BCAP29: variants seen among roughly 807,000 people sequenced by gnomAD.
BCAP29 encodes the protein B cell receptor associated protein 29.
In BCAP29, 34 loss-of-function variants were observed where a neutral mutation model predicts 31.8. The observed-to-expected ratio is 1.07, with a 90% CI of 0.81 to 1.42. The LOEUF (loss-of-function observed/expected upper bound fraction) is 1.42. Ranked by LOEUF, BCAP29 falls within the 40% of genes most tolerant of loss-of-function variation. BCAP29 has a pLI of 0.00. For synonymous variants in BCAP29, 104 were observed against 91.3 expected (o/e 1.14, Z -0.79); for missense variants, 314 against 269.2 (o/e 1.17, Z -1.16).
At chr7:107,616,864 G>A (rs1814254990) in intron 7 of BCAP29, among the ~76,000 whole-genome samples, 1 of 152,120 alleles carries the variant, frequency 6.6e-6, no homozygotes, top group South Asian at 2.1e-4. Context: ...TCAGCCTTCT[G>A]AGTGACTGGG....
In BCAP29 at chr7:107,593,995, C is replaced by G; in HGVS notation, c.234C>G (p.Thr78=). 1 of 1,613,772 alleles carries G rather than the reference C, an allele frequency of 6.2e-7. No individual in the cohort carries two copies. Among genetic ancestry groups the G allele is most frequent in the Non-Finnish European group, 8.5e-7 (1 of 1,179,810 alleles). ...REVRKYSSVH[T]IEKSSTSRPD... ...TAAGGAAATATTCCTCAGTTCATAC[C>G]ATTGAGAAGAGCTCCACCAGCAGAC... The change falls in exon 4 of 8, where the codon ACC becomes ACG. Residue 78 remains threonine (T), a synonymous_variant. Transcript: ENST00000005259.
At chr7:107,585,431 A>C (rs1442252677) in intron 3 of BCAP29, among the ~76,000 whole-genome samples, 1 of 152,226 alleles carries the variant, frequency 6.6e-6, no homozygotes, top group African/African-American at 2.4e-5. Flanking sequence ...CTAGCCATAT[A>C]ACTAGTTATG....
intron 7 of BCAP29, among the ~76,000 whole-genome samples, chr7:107,617,673 C>CT (rs1562801382): frequency 6.6e-6 from 1 of 152,088 alleles, no homozygotes; most frequent in Admixed American, 6.6e-5. Context: ...CTACTCTTGT[C>CT]TTTTTATTTG....
intron 2 of BCAP29, among the ~76,000 whole-genome samples, chr7:107,581,906 T>C (rs986450709): frequency 6.6e-6 from 1 of 152,170 alleles, no homozygotes; most frequent in African/African-American, 2.4e-5. Flanking sequence ...ATTCCACCCA[T>C]GTTCTATATA....
intron 3 of BCAP29, chr7:107,587,885 A>G (rs1210562127): frequency 6.6e-6 from 1 of 152,168 alleles, no homozygotes; most frequent in African/African-American, 2.4e-5. Flanking sequence ...GAAAACAGAT[A>G]TTACTACTGC....
At chr7:107,585,711 C>T (rs34523267) in intron 3 of BCAP29, among the ~76,000 whole-genome samples, 26,033 of 152,018 alleles carry the variant, frequency 0.17, 2,805 homozygotes, top group Non-Finnish European at 0.24. Flanking sequence ...CAAACTTGGC[C>T]GGGCGCGGCG....
At chr7:107,597,342 C>G (rs1158115580) in intron 5 of BCAP29, among the ~76,000 whole-genome samples, 2 of 152,036 alleles carry the variant, frequency 1.3e-5, no homozygotes, top group African/African-American at 4.8e-5. Flanking sequence ...TCCAGAAGTG[C>G]TGGGATTATA....
chr7:107,621,979 A>G, downstream of BCAP29: 1 of 495,454 alleles, frequency 2.0e-6, no homozygotes, highest in South Asian at 1.6e-5. Context: ...GAAAACAGTT[A>G]CTCTTTAACA....
chr7:107,593,214 A>G (rs1357398912), intron 3 of BCAP29, among the ~76,000 whole-genome samples: 1 of 152,208 alleles, frequency 6.6e-6, no homozygotes, highest in Non-Finnish European at 1.5e-5. Context: ...ATATACTTCC[A>G]CTGGCTTTTG....
At chr7:107,589,592 A>G (rs565964087) in intron 3 of BCAP29, among the ~76,000 whole-genome samples, 1 of 152,362 alleles carries the variant, frequency 6.6e-6, no homozygotes, top group Admixed American at 6.5e-5. Context: ...CTGGCCTGCC[A>G]ATCACCTCCT....
intron 3 of BCAP29, among the ~76,000 whole-genome samples, chr7:107,586,528 T>C (rs185787417): frequency 5.9e-5 from 9 of 152,298 alleles, no homozygotes; most frequent in African/African-American, 2.2e-4. Flanking sequence ...ACACCTACTT[T>C]CGTGTTTTAA....
chr7:107,594,118 T>G lies in BCAP29; in HGVS notation c.344+13T>G. On this transcript the variant is annotated intron_variant, in intron 4 of 7. Transcript: ENST00000005259. ...TATTTTTTTGGCTGTAAGTAAAAAA[T>G]AATAATAGAAGCACAATTTAAAAAC... 1 of 1,578,452 alleles carries G rather than the reference T, an allele frequency of 6.3e-7. No homozygotes were observed. Among genetic ancestry groups the G allele is most frequent in the South Asian group, 1.1e-5 (1 of 90,008 alleles).
At chr7:107,601,015 C>G (rs1055713197) in intron 6 of BCAP29, among the ~76,000 whole-genome samples, 8 of 152,232 alleles carry the variant, frequency 5.3e-5, no homozygotes, top group African/African-American at 1.9e-4. Context: ...GTGCCTCCTT[C>G]CCACATAACA....
chr7:107,600,446 A>G lies in BCAP29; in HGVS notation c.530A>G (p.Asn177Ser), dbSNP rs778160204. ...GAAGAATGTGTTTTGGAAGCAGAAA[A>G]TAAAAAACTAGTAGAAGACCAGGAG... Reference protein sequence around the residue: ...KDEECVLEAENKKLVEDQEKL... With the variant: ...KDEECVLEAESKKLVEDQEKL... Residue 177 changes from asparagine (N) to serine (S), a missense_variant, in exon 6 of 8, where the codon AAT becomes AGT. Physicochemically the swap from Asn to Ser is conservative, Grantham distance 46 (BLOSUM62 1). Transcript: ENST00000005259. The G allele has an allele frequency of 6.2e-7, 1 of 1,611,670 alleles. No homozygotes were observed. The highest frequency in any genetic ancestry group is 1.1e-5 in the South Asian group (1 of 90,934).
At chr7:107,616,556 C>G (rs1169287921) in intron 7 of BCAP29, among the ~76,000 whole-genome samples, 5 of 152,066 alleles carry the variant, frequency 3.3e-5, no homozygotes, top group African/African-American at 7.2e-5. Flanking sequence ...GTTGTAATAC[C>G]TTATGAAAAT....
At chr7:107,589,280 C>A (rs917200397) in intron 3 of BCAP29, among the ~76,000 whole-genome samples, 2 of 152,160 alleles carry the variant, frequency 1.3e-5, no homozygotes, top group African/African-American at 4.8e-5. Flanking sequence ...CACTTCATTT[C>A]TATTATTATT....
At chr7:107,588,371 T>C (rs1441598398) in intron 3 of BCAP29, among the ~76,000 whole-genome samples, 5 of 152,222 alleles carry the variant, frequency 3.3e-5, no homozygotes, top group Non-Finnish European at 5.9e-5. Context: ...CATGACTGAA[T>C]TGTTCACTTT....
chr7:107,585,828 C>T (rs1282226304), intron 3 of BCAP29, among the ~76,000 whole-genome samples: 1 of 151,882 alleles, frequency 6.6e-6, no homozygotes, highest in Non-Finnish European at 1.5e-5. Flanking sequence ...CTGTCTCTAC[C>T]AAAAATACAA....
chr7:107,601,593 T>A (rs1811193787), intron 6 of BCAP29, among the ~76,000 whole-genome samples: 1 of 152,234 alleles, frequency 6.6e-6, no homozygotes, highest in Non-Finnish European at 1.5e-5. Context: ...TAGTTGGTAC[T>A]GTTGCCTTTT....
Sources: gnomAD v4.1 joint callset for allele counts (sites outside exome capture counted in the v4.1 genomes callset) on GRCh38, gnomAD v4.1.1 for gene constraint, MANE v1.5 for transcripts, NCBI Gene and HGNC (gene_info 2026-07-23, HGNC 2026-07-21) for gene names.